The following GNAL variants were observed in gnomAD, a reference collection of about 807,000 sequenced individuals.
The protein encoded by GNAL is guanine nucleotide-binding protein G(olf) subunit alpha.
GNAL carries 18 observed loss-of-function variants against 55.1 expected under a neutral mutation model. That is an observed-to-expected ratio of 0.33 (90% CI 0.23 to 0.48). The LOEUF is 0.48. Among genes scored for constraint, GNAL ranks in the 20% least tolerant of loss-of-function variants. GNAL has a pLI of 0.99. For missense variants in GNAL, 412 were observed against 614.1 expected, an observed-to-expected ratio of 0.67 and a Z score of 3.48; for synonymous variants, 253 against 237.0, an observed-to-expected ratio of 1.07 and a Z score of -0.62.
intron 4 of GNAL, among the ~76,000 whole-genome samples, chr18:11,784,505 T>G (rs564366184): frequency 6.6e-6 from 1 of 152,362 alleles, no homozygotes; most frequent in Admixed American, 6.5e-5. Context: ...AAGCCTATTC[T>G]TGATGCCTTT....
At chr18:11,754,290 G>A (rs1197531723) in intron 4 of GNAL, among the ~76,000 whole-genome samples, 1 of 151,960 alleles carries the variant, frequency 6.6e-6, no homozygotes, top group Non-Finnish European at 1.5e-5. Flanking sequence ...GGTGGTGTGC[G>A]CCTGTAATCC....
Position 11,836,447 on chromosome 18 carries a change from C to T in GNAL, c.722+11432C>T, listed in dbSNP as rs969735606. Among the ~76,000 whole-genome samples the T allele has an allele frequency of 2.0e-5, 3 of 151,826 alleles. No individual in the cohort carries two copies. The East Asian group carries it at 5.8e-4, about 29-fold the overall frequency. ...GGCAACAAGAGCAAAACTCTTATCT[C>T]AAAAAATAATAATAATAAATAATAA... On this transcript the variant is annotated intron_variant, in intron 5 of 11. Coordinates refer to ENST00000334049, the MANE Select transcript of GNAL (RefSeq NM_182978.4).
rs544771029 is a variant in GNAL at position 11,813,906 on chromosome 18, T to A, written c.625-11012T>A. On this transcript the variant is annotated intron_variant, in intron 4 of 11. Transcript: ENST00000334049. ...AACAAATTTAAAAATTAAAAAAAAA[T>A]TTTAACAGAGAGCCAGAGATACTAA... 5.1e-3 allele frequency among the ~76,000 whole-genome samples: 773 copies of A among 151,974 alleles called. 4 individuals are homozygous for A. The highest frequency in any genetic ancestry group is 0.018 in the African/African-American group (728 of 41,426).
At chr18:11,871,825 G>A (rs1313154308) in intron 9 of GNAL, among the ~76,000 whole-genome samples, 1 of 152,132 alleles carries the variant, frequency 6.6e-6, no homozygotes, top group Non-Finnish European at 1.5e-5. Flanking sequence ...TCCCCCATGG[G>A]ACTGAATTAG....
chr18:11,788,936 T>TATATAC (rs1219351502), intron 4 of GNAL, among the ~76,000 whole-genome samples: 102 of 128,878 alleles, frequency 7.9e-4, no homozygotes, highest in African/African-American at 2.4e-3. Flanking sequence ...TATATATATA[T>TATATAC]ACACATATAT....
At chr18:11,699,439 T>TC (rs2031505148) in intron 1 of GNAL, among the ~76,000 whole-genome samples, 1 of 151,994 alleles carries the variant, frequency 6.6e-6, no homozygotes, top group African/African-American at 2.4e-5. Flanking sequence ...GGTCTCAAAG[T>TC]CCTGACCTCT....
At chr18:11,707,157 G>A (rs951670003) in intron 1 of GNAL, among the ~76,000 whole-genome samples, 5 of 152,314 alleles carry the variant, frequency 3.3e-5, no homozygotes, top group Non-Finnish European at 7.3e-5. Flanking sequence ...ACAGGCATGT[G>A]CCACCATGCT....
At chr18:11,865,949 C>G (rs368070248) in intron 7 of GNAL, among the ~76,000 whole-genome samples, 9 of 149,354 alleles carry the variant, frequency 6.0e-5, no homozygotes, top group Admixed American at 5.3e-4. Flanking sequence ...GCAAGAGTTT[C>G]ATGATCTCCA....
chr18:11,723,306 G>A (rs905026396), intron 1 of GNAL, among the ~76,000 whole-genome samples: 1 of 152,210 alleles, frequency 6.6e-6, no homozygotes, highest in Non-Finnish European at 1.5e-5. Flanking sequence ...TTTGAATTTC[G>A]TATAGTTCTC....
intron 7 of GNAL, among the ~76,000 whole-genome samples, chr18:11,866,812 A>G (rs1484443179): frequency 1.4e-5 from 2 of 142,598 alleles, no homozygotes; most frequent in Admixed American, 6.7e-5. Flanking sequence ...CTTAGCCTGT[A>G]CTCAGAGAGG....
Position 11,778,876 on chromosome 18 carries a change from T to G in GNAL, c.624+24931T>G, listed in dbSNP as rs201148802. On this transcript the variant is annotated intron_variant, in intron 4 of 11. Coordinates refer to ENST00000334049, the MANE Select transcript of GNAL (RefSeq NM_182978.4). ...TGATCTTCAGCAATGGTTGTCTGTT[T>G]CAAGGGTGAAAATTACTAGTGGTCA... Among the ~76,000 whole-genome samples, 12 of 152,248 alleles carry G rather than the reference T, an allele frequency of 7.9e-5. No individual in the cohort carries two copies. In the East Asian group the frequency reaches 2.3e-3, roughly 29 times the overall value.
At position 11,812,395 on chromosome 18, in the gene GNAL, C is replaced by T. The variant is rs552185923; in HGVS notation, c.625-12523C>T. Among the ~76,000 whole-genome samples the T allele has an allele frequency of 1.1e-3, 174 of 152,210 alleles. 1 individual carries two copies. Among genetic ancestry groups the T allele is most frequent in the African/African-American group, 4.0e-3 (168 of 41,518 alleles). On this transcript the variant is annotated intron_variant, in intron 4 of 11. Coordinates refer to ENST00000334049, the MANE Select transcript of GNAL (RefSeq NM_182978.4). The stretch of plus-strand genomic sequence containing the variant: ...GTACTTGGGAACCTGCAGGGAATTC[C>T]GTTTCTGCCCCAGGCCTCAAGGATC...
chr18:11,828,127 A>G (rs893719606), intron 5 of GNAL, among the ~76,000 whole-genome samples: 1 of 152,084 alleles, frequency 6.6e-6, no homozygotes, highest in African/African-American at 2.4e-5. Context: ...TCTCAGGGGA[A>G]CTCCAATGCA....
At chr18:11,769,840 C>T (rs2033578169) in intron 4 of GNAL, among the ~76,000 whole-genome samples, 1 of 152,072 alleles carries the variant, frequency 6.6e-6, no homozygotes, top group Non-Finnish European at 1.5e-5. Flanking sequence ...CTAAAATATA[C>T]ACACACACAT....
At chr18:11,690,016 G>C in intron 1 of GNAL, 77 bp downstream of exon 1, 2 of 857,760 alleles carry the variant, frequency 2.3e-6, no homozygotes, top group Non-Finnish European at 3.0e-6. Flanking sequence ...GCACCGGGGA[G>C]CGGTGGCGGG....
rs1003463340 is a variant in GNAL, at chr18:11,751,220, C to G, written c.377-1633C>G. 6.6e-6 allele frequency among the ~76,000 whole-genome samples: 1 copy of G among 152,110 alleles called. No individual in the cohort carries two copies. The highest frequency in any genetic ancestry group is 2.4e-5 in the African/African-American group (1 of 41,422). On this transcript the variant is annotated intron_variant, in intron 1 of 11. Coordinates refer to ENST00000334049, the MANE Select transcript of GNAL (RefSeq NM_182978.4). The surrounding 1 kb of genome is among the most constrained non-coding windows in gnomAD (Gnocchi z 4.5). The stretch of plus-strand genomic sequence containing the variant: ...CACGACTTCGGCCCGGCCCCCTCTT[C>G]TGACCTCCTTCCCCCAAGTACAACA...
intron 1 of GNAL, among the ~76,000 whole-genome samples, chr18:11,707,908 T>G (rs1251486085): frequency 1.3e-5 from 2 of 152,244 alleles, no homozygotes; most frequent in Non-Finnish European, 2.9e-5. Flanking sequence ...AGCTTCCAGC[T>G]TTTCTTCTGC....
At chr18:11,786,016 T>A (rs1462555534) in intron 4 of GNAL, among the ~76,000 whole-genome samples, 5 of 152,212 alleles carry the variant, frequency 3.3e-5, no homozygotes. Flanking sequence ...CTTCATTATT[T>A]CTTACCTGAG....
At chr18:11,788,897 G>GAAAAAAAAAAAAAAAAAAAAAAAA in intron 4 of GNAL, among the ~76,000 whole-genome samples, 1 of 82,514 alleles carries the variant, frequency 1.2e-5, no homozygotes, top group African/African-American at 7.5e-5. Context: ...ACTCCGTCTC[G>GAAAAAAAAAAAAAAAAAAAAAAAA]AAAAAAAAAA....
Sources: allele counts gnomAD v4.1 joint callset (sites outside exome capture counted in the v4.1 genomes callset), GRCh38; gene constraint gnomAD v4.1.1; non-coding constraint Gnocchi (gnomAD v3.1); transcripts MANE v1.5; gene names NCBI Gene and HGNC (gene_info 2026-07-23, HGNC 2026-07-21).